The following RARB variants were observed in gnomAD, a reference collection of about 807,000 sequenced individuals.
RARB encodes HBV-activated protein.
A neutral mutation model predicts 51.9 loss-of-function variants in RARB; 17 were observed. That is an observed-to-expected ratio of 0.33 (90% CI 0.22 to 0.49). RARB has a LOEUF of 0.49. Ranked by LOEUF, RARB falls within the 20% of genes least tolerant of loss-of-function variation. The pLI is 0.99. For missense variants in RARB, 369 were observed against 550.8 expected, an observed-to-expected ratio of 0.67 and a Z score of 3.30; for synonymous variants, 215 against 195.4, an observed-to-expected ratio of 1.10 and a Z score of -0.84.
At chr3:25,349,949 G>C (rs946634471) in intron 5 of RARB, among the ~76,000 whole-genome samples, 4 of 151,930 alleles carry the variant, frequency 2.6e-5, no homozygotes, top group African/African-American at 4.8e-5. Context: ...TGACAAGTTG[G>C]TACTGGAGCT....
intron 3 of RARB, among the ~76,000 whole-genome samples, chr3:25,527,146 A>G (rs962298264): frequency 6.6e-6 from 1 of 152,178 alleles, no homozygotes; most frequent in Non-Finnish European, 1.5e-5. Context: ...CTGGAAGGGG[A>G]CCTGACATTC....
intron 5 of RARB, among the ~76,000 whole-genome samples, chr3:25,254,818 C>G (rs1204535842): frequency 6.6e-6 from 1 of 152,074 alleles, no homozygotes; most frequent in Non-Finnish European, 1.5e-5. Context: ...ATAAAACTGT[C>G]TTTGACTCTG....
chr3:25,366,840 G>A (rs1021458580), intron 5 of RARB, among the ~76,000 whole-genome samples: 15 of 152,082 alleles, frequency 9.9e-5, no homozygotes, highest in Non-Finnish European at 2.1e-4. Flanking sequence ...ATTGTTCATG[G>A]GCCTCATTTT....
chr3:25,379,682 C>T (rs76129294), intron 5 of RARB, among the ~76,000 whole-genome samples: 2 of 152,274 alleles, frequency 1.3e-5, no homozygotes, highest in East Asian at 1.9e-4. Flanking sequence ...TTGCTACTCT[C>T]AGGGAGATTA....
rs190971723 is a variant in RARB at position 25,166,612 on chromosome 3, G to T, written c.-279-7507G>T. On this transcript the variant is annotated intron_variant, in intron 4 of 11. Coordinates refer to the RARB transcript ENST00000383772. ...AAATCTCTCTTTTTCACTTATTTCT[G>T]TTTTTTATGTTAGCCACATCAGCCA... Among the ~76,000 whole-genome samples, 83 of 152,244 alleles carry T rather than the reference G, an allele frequency of 5.5e-4. 1 individual carries two copies. Among genetic ancestry groups the T allele is most frequent in the Admixed American group, 2.2e-3 (33 of 15,284 alleles).
Position 24,937,880 on chromosome 3 carries a change from G to C in RARB, c.-380+79128G>C, listed in dbSNP as rs73820322. Among the ~76,000 whole-genome samples, 4 of 152,042 alleles carry C rather than the reference G, an allele frequency of 2.6e-5. No individual in the cohort carries two copies. The East Asian group carries it at 7.8e-4, about 29-fold the overall frequency. On this transcript the variant is annotated intron_variant, in intron 2 of 11. Coordinates refer to the RARB transcript ENST00000383772. ...TTTTTTGTTTCTTTTGAGAAATCCGGAAAAAACAAAAAATCTAGAAACAGG... is the reference window on the plus strand; with the variant it reads ...TTTTTTGTTTCTTTTGAGAAATCCGCAAAAAACAAAAAATCTAGAAACAGG...
chr3:25,382,328 G>T (rs1195814402), intron 5 of RARB, among the ~76,000 whole-genome samples: 2 of 152,178 alleles, frequency 1.3e-5, no homozygotes, highest in African/African-American at 4.8e-5. Context: ...TCTCCTTTGA[G>T]GCATGTTTAC....
At position 25,596,293 on chromosome 3, in the gene RARB, AT is replaced by A. The variant is rs1701825096; in HGVS notation, c.1151-124del. 4.1e-6 allele frequency: 3 copies of A among 727,908 alleles called. No homozygotes were observed. The Admixed American group carries it at 8.4e-5, about 20-fold the overall frequency. 45.1% of individuals were successfully genotyped at this position (727,908 alleles called of 1,614,324 possible). ...CAACAAAAAGCCACCTGATATCTAC[AT>A]TTCATAATTCCTAAGCAAGAATCTT... On this transcript the variant is annotated intron_variant, in intron 7 of 7. Coordinates refer to ENST00000330688, the MANE Select transcript of RARB (RefSeq NM_000965.5).
chr3:25,191,097 C>A (rs73054320), intron 5 of RARB, among the ~76,000 whole-genome samples: 23,015 of 152,060 alleles, frequency 0.15, 1,863 homozygotes, highest in South Asian at 0.21. Context: ...GTATTACAGA[C>A]TTTGATATAA....
chr3:25,567,264 A>G (rs997787475), intron 3 of RARB, among the ~76,000 whole-genome samples: 2 of 152,108 alleles, frequency 1.3e-5, no homozygotes, highest in African/African-American at 4.8e-5. Flanking sequence ...TTCATCTCCT[A>G]AAAAACAAAA....
At chr3:25,243,888 C>T (rs931251605) in intron 5 of RARB, among the ~76,000 whole-genome samples, 11 of 152,100 alleles carry the variant, frequency 7.2e-5, no homozygotes, top group East Asian at 1.9e-4. Flanking sequence ...AGGAATGGTA[C>T]CAGCTCCTCT....
chr3:24,838,735 G>A (rs142262261), intron 1 of RARB, among the ~76,000 whole-genome samples: 4 of 152,312 alleles, frequency 2.6e-5, no homozygotes, highest in Non-Finnish European at 4.4e-5. Context: ...CAGGAGTCAG[G>A]AGTCAAGAAG....
intron 5 of RARB, among the ~76,000 whole-genome samples, chr3:25,407,130 T>C (rs1483983949): frequency 2.0e-5 from 3 of 152,358 alleles, no homozygotes; most frequent in East Asian, 1.9e-4. Flanking sequence ...AGCCATATCA[T>C]GTGCTTCTCT....
At chr3:25,224,535 C>T (rs1274612778) in intron 5 of RARB, among the ~76,000 whole-genome samples, 6 of 152,280 alleles carry the variant, frequency 3.9e-5, no homozygotes, top group Non-Finnish European at 8.8e-5. Context: ...AAGATGTTTT[C>T]TCTCTGCAAA....
At chr3:25,277,775 A>G (rs1703429437) in intron 5 of RARB, among the ~76,000 whole-genome samples, 1 of 152,226 alleles carries the variant, frequency 6.6e-6, no homozygotes, top group Non-Finnish European at 1.5e-5. Flanking sequence ...GTATTGAAGT[A>G]TAGCACATAA....
chr3:25,425,762 G>A (rs1432163103), upstream of RARB, among the ~76,000 whole-genome samples: 1 of 152,098 alleles, frequency 6.6e-6, no homozygotes, highest in Non-Finnish European at 1.5e-5. Flanking sequence ...CAGTGGTCTC[G>A]CTCAATGAGG....
At chr3:24,951,019 G>A (rs1336470337) in intron 2 of RARB, among the ~76,000 whole-genome samples, 4 of 152,132 alleles carry the variant, frequency 2.6e-5, no homozygotes, top group Non-Finnish European at 5.9e-5. Flanking sequence ...GAGACCTGAA[G>A]GACAAGAAGA....
At chr3:25,029,406 T>A (rs1484116381) in intron 2 of RARB, among the ~76,000 whole-genome samples, 1 of 152,196 alleles carries the variant, frequency 6.6e-6, no homozygotes, top group Non-Finnish European at 1.5e-5. Flanking sequence ...ATAAATAAAT[T>A]GAGTGAATTG....
chr3:24,861,594 TAAA>T (rs3057186), intron 2 of RARB, among the ~76,000 whole-genome samples: 1,881 of 137,822 alleles, frequency 0.014, 40 homozygotes, highest in African/African-American at 0.046. Context: ...TAACTTGTTA[TAAA>T]AAAAAAAAAA....
Sources: gnomAD v4.1 joint callset for allele counts (sites outside exome capture counted in the v4.1 genomes callset) on GRCh38, gnomAD v4.1.1 for gene constraint, MANE v1.5 for transcripts, NCBI Gene and HGNC (gene_info 2026-07-23, HGNC 2026-07-21) for gene names.